ZC3H7A: variants seen among roughly 807,000 people sequenced by gnomAD.
The protein encoded by ZC3H7A is zinc finger CCCH domain-containing protein 7A.
In ZC3H7A, 44 loss-of-function variants were observed where a neutral mutation model predicts 125.5. The observed-to-expected ratio is 0.35, with a 90% CI of 0.28 to 0.45. The LOEUF (loss-of-function observed/expected upper bound fraction) is 0.45. Ranked by LOEUF, ZC3H7A falls within the 20% of genes least tolerant of loss-of-function variation. ZC3H7A has a pLI of 1.00. For synonymous variants in ZC3H7A, 399 were observed against 391.2 expected (o/e 1.02, Z -0.23); for missense variants, 977 against 1,170.7 (o/e 0.83, Z 2.41).
intron 11 of ZC3H7A, 23 bp downstream of exon 11, chr16:11,769,008 A>C (rs777383113): frequency 1.3e-6 from 2 of 1,589,488 alleles, no homozygotes; most frequent in Non-Finnish European, 1.7e-6. Flanking sequence ...CGATGTATTT[A>C]CAAAAGAGGA....
At chr16:11,778,424 G>T in intron 4 of ZC3H7A, among the ~76,000 whole-genome samples, 1 of 134,024 alleles carries the variant, frequency 7.5e-6, no homozygotes, top group African/African-American at 2.9e-5. Flanking sequence ...GTGACAGAGC[G>T]AGACACTGTC....
chr16:11,774,355 T>G lies in ZC3H7A; in HGVS notation c.784A>C (p.Asn262His). 1 of 1,614,026 alleles carries G rather than the reference T, an allele frequency of 6.2e-7. No homozygotes were observed. The highest frequency in any genetic ancestry group is 8.5e-7 in the Non-Finnish European group (1 of 1,179,960). ...ESALPSAVLANGGKMPFTMPE... is the reference protein window; with the variant it reads ...ESALPSAVLAHGGKMPFTMPE... ...ATAGTGAAGGGCATCTTTCCTCCAT[T>G]TGCCAGCACTGCAGATGGCAGAGCG... is the stretch of plus-strand genomic sequence containing the variant. Residue 262 changes from asparagine to histidine, a missense_variant, in exon 9 of 23, where the codon AAT becomes CAT. Asn to His is a moderately conservative substitution (Grantham distance 68). Transcript: ENST00000355758.
At chr16:11,767,043 G>A (rs966965737) in intron 13 of ZC3H7A, among the ~76,000 whole-genome samples, 2 of 152,124 alleles carry the variant, frequency 1.3e-5, no homozygotes, top group African/African-American at 4.8e-5. Flanking sequence ...TATAATAAAT[G>A]TAGCAAGCAC....
intron 22 of ZC3H7A, among the ~76,000 whole-genome samples, chr16:11,752,079 T>C (rs2052562975): frequency 6.6e-6 from 1 of 151,756 alleles, no homozygotes; most frequent in Non-Finnish European, 1.5e-5. Flanking sequence ...CTAATTTTTG[T>C]AGTTTTAGTA....
At position 11,756,267 on chromosome 16, in the gene ZC3H7A, A is replaced by G. The variant is rs762672405; in HGVS notation, c.2532T>C (p.Ile844=). 2 of 1,614,088 alleles carry G rather than the reference A, an allele frequency of 1.2e-6. No individual in the cohort carries two copies. Among genetic ancestry groups the G allele is most frequent in the Non-Finnish European group, 1.7e-6 (2 of 1,180,004 alleles). Residue 844 remains isoleucine (I), a synonymous_variant, in exon 21 of 23, where the codon ATT becomes ATC. Coordinates refer to ENST00000355758, the MANE Select transcript of ZC3H7A (RefSeq NM_014153.4). Reference sequence around the variant, plus strand: ...CTTCAGCATAATCTGTTGGCATGTGAATTTGTTTTCCATTTTCCTTGTTTG... The same window carrying G: ...CTTCAGCATAATCTGTTGGCATGTGGATTTGTTTTCCATTTTCCTTGTTTG... ...SQSNKENGKQ[I]HMPTDYAEVT... is the part of the protein sequence containing the mutation.
Position 11,767,459 on chromosome 16 carries a change from G to C in ZC3H7A, c.1480C>G (p.Pro494Ala). ...DKSWKKIRPR[P>A]TKTNYEGPYY... ...GGTCCTTCATAATTTGTTTTTGTTG[G>C]TCTTGGACGTATTTTTTTCCATGAT... Residue 494 changes from proline (P) to alanine (A), a missense_variant, in exon 13 of 23, where the codon CCA becomes GCA. Pro to Ala is a conservative substitution (Grantham distance 27, BLOSUM62 -1). This residue lies in a region of ZC3H7A where 436 missense variants were observed against 603.2 expected (regional missense o/e 0.72). Coordinates refer to ENST00000355758, the MANE Select transcript of ZC3H7A (RefSeq NM_014153.4). 1.2e-6 allele frequency: 2 copies of C among 1,607,394 alleles called. No homozygotes were observed. The highest frequency in any genetic ancestry group is 1.7e-6 in the Non-Finnish European group (2 of 1,175,306).
At chr16:11,770,585 C>A (rs2052962648) in intron 10 of ZC3H7A, among the ~76,000 whole-genome samples, 198 bp downstream of exon 10, 1 of 152,186 alleles carries the variant, frequency 6.6e-6, no homozygotes, top group African/African-American at 2.4e-5. Flanking sequence ...TCTTCTCATG[C>A]CTTTGCTCCT....
intron 9 of ZC3H7A, among the ~76,000 whole-genome samples, chr16:11,773,086 C>T (rs200144656): frequency 1.3e-5 from 2 of 152,024 alleles, no homozygotes; most frequent in South Asian, 4.1e-4. Context: ...TGTTGCAGTG[C>T]AAAAGCAGCC....
At chr16:11,764,808 C>T (rs1250337489) in intron 15 of ZC3H7A, among the ~76,000 whole-genome samples, 1 of 152,070 alleles carries the variant, frequency 6.6e-6, no homozygotes, top group Non-Finnish European at 1.5e-5. Context: ...CATAAAATAC[C>T]TAAATCCATG....
At chr16:11,786,576 G>T (rs888770963) in intron 1 of ZC3H7A, among the ~76,000 whole-genome samples, 28 of 152,164 alleles carry the variant, frequency 1.8e-4, no homozygotes, top group African/African-American at 6.5e-4. Flanking sequence ...GACACCACAA[G>T]TAAGTGATTG....
rs372671425 is a variant in ZC3H7A, at chr16:11,781,497, C to T, written c.69-33G>A. On this transcript the variant is annotated intron_variant, in intron 2 of 22. Coordinates refer to ENST00000355758, the MANE Select transcript of ZC3H7A (RefSeq NM_014153.4). ...GAAGAAACAAATTAACTGTAATTAT[C>T]AAGCTCCTTATCGGGACCTGTTCAG... 3.1e-6 allele frequency: 5 copies of T among 1,599,868 alleles called. No individual in the cohort carries two copies. The African/African-American group carries it at 5.3e-5, about 17-fold the overall frequency.
At position 11,782,366 on chromosome 16, in the gene ZC3H7A, C is replaced by A. The variant is rs917820547; in HGVS notation, c.-12G>T. On this transcript the variant is annotated 5_prime_UTR_variant, in exon 2 of 23. The change abolishes an upstream ATG in the 5' untranslated region. Coordinates refer to ENST00000355758, the MANE Select transcript of ZC3H7A (RefSeq NM_014153.4). ...GACACATTGGACATGTTATCCCACA[C>A]ATCCACTTTCTAAATGAGCAATCTG... is the stretch of plus-strand genomic sequence containing the variant. 1.9e-6 allele frequency: 3 copies of A among 1,614,080 alleles called. No individual in the cohort carries two copies. The East Asian group carries it at 6.7e-5, about 36-fold the overall frequency.
intron 15 of ZC3H7A, among the ~76,000 whole-genome samples, chr16:11,764,123 A>G (rs115010461): frequency 0.014 from 2,185 of 152,186 alleles, 64 homozygotes; most frequent in African/African-American, 0.05. Context: ...CGGAAAAAAA[A>G]TCATGGGGGC....
intron 9 of ZC3H7A, among the ~76,000 whole-genome samples, chr16:11,773,392 A>C (rs949738167): frequency 8.6e-5 from 13 of 151,934 alleles, no homozygotes; most frequent in Non-Finnish European, 1.5e-4. Flanking sequence ...TACCCAGGCT[A>C]GTTTCATATA....
chr16:11,782,339 C>G lies in ZC3H7A; in HGVS notation c.16G>C (p.Glu6Gln). 2 of 1,614,130 alleles carry G rather than the reference C, an allele frequency of 1.2e-6. No individual in the cohort carries two copies. Among genetic ancestry groups the G allele is most frequent in the Non-Finnish European group, 1.7e-6 (2 of 1,180,036 alleles). The change falls in exon 2 of 23, where the codon GAG becomes CAG. Residue 6 changes from glutamate (E) to glutamine (Q), a missense_variant. By Grantham distance (29) the Glu-to-Gln change is conservative. Coordinates refer to ENST00000355758, the MANE Select transcript of ZC3H7A (RefSeq NM_014153.4). MSNVS[E>Q]ERRKRQQNIK... is the part of the protein sequence containing the mutation. ...TTCTGCTGCCTTTTTCTTCTCTCCT[C>G]GGACACATTGGACATGTTATCCCAC...
chr16:11,763,562 G>T lies in ZC3H7A; in HGVS notation c.1918C>A (p.Arg640=). The T allele has an allele frequency of 6.2e-7, 1 of 1,611,498 alleles. No homozygotes were observed. Among genetic ancestry groups the T allele is most frequent in the Non-Finnish European group, 8.5e-7 (1 of 1,178,816 alleles). ...CQLDLCRHEV[R]YGCLREDECF... is the part of the protein sequence containing the mutation. ...TCATCTTCCCTTAAACAGCCATACC[G>T]AACTTCATGTCGACATAAATCAAGC... The change falls in exon 16 of 23, where the codon CGG becomes AGG. Residue 640 remains arginine, a synonymous_variant. Transcript: ENST00000355758.
intron 19 of ZC3H7A, chr16:11,759,194 C>T (rs2052701013): frequency 6.6e-6 from 1 of 152,180 alleles, no homozygotes; most frequent in Non-Finnish European, 1.5e-5. Context: ...ACGCAGACTT[C>T]CCTAAGAATT....
rs1453753005 is a variant in ZC3H7A at position 11,750,821 on chromosome 16, T to C, written c.*496A>G. 6.5e-6 allele frequency: 1 copy of C among 152,734 alleles called. No homozygotes were observed. Among genetic ancestry groups the C allele is most frequent in the African/African-American group, 2.4e-5 (1 of 41,446 alleles). The allele number at this position is 152,734 out of a possible 1,614,324, so 9.5% of individuals were successfully genotyped here. ...ATACCCCATTTAACAAATACTAGTG[T>C]TAAATGGTTATTTGGCTTAAAATCT... On this transcript the variant is annotated 3_prime_UTR_variant, in exon 23 of 23. Transcript: ENST00000355758.
chr16:11,776,945 A>G (rs987081733), intron 4 of ZC3H7A, 36 bp from the exon 5 acceptor site: 3 of 1,513,320 alleles, frequency 2.0e-6, no homozygotes, highest in Non-Finnish European at 2.7e-6. Flanking sequence ...GTCAGCAATC[A>G]AACAATTCAT....
Sources: allele counts gnomAD v4.1 joint callset (sites outside exome capture counted in the v4.1 genomes callset), GRCh38; gene constraint gnomAD v4.1.1; regional missense constraint gnomAD v4.1.1; transcripts MANE v1.5; gene names NCBI Gene and HGNC (gene_info 2026-07-23, HGNC 2026-07-21).